TLE4: variants seen among roughly 807,000 people sequenced by gnomAD.
The protein encoded by TLE4 is TLE family member 4, transcriptional corepressor.
A neutral mutation model predicts 92.8 loss-of-function variants in TLE4; 8 were observed. That is an observed-to-expected ratio of 0.09 (90% confidence interval 0.05 to 0.16). The LOEUF (loss-of-function observed/expected upper bound fraction) is 0.16. Ranked by LOEUF, TLE4 falls within the 10% of genes least tolerant of loss-of-function variation. TLE4 has a pLI of 1.00. For missense variants in TLE4, 675 were observed against 997.6 expected (o/e 0.68, Z 4.36); for synonymous variants, 371 against 374.1 (o/e 0.99, Z 0.10).
At chr9:79,680,444 T>TCACCAATGTGC (rs2064270828) in intron 8 of TLE4, among the ~76,000 whole-genome samples, 1 of 152,170 alleles carries the variant, frequency 6.6e-6, no homozygotes, top group Non-Finnish European at 1.5e-5. Flanking sequence ...TATTGGTGTA[T>TCACCAATGTGC]AAGAATGCTT....
intron 1 of TLE4, chr9:79,573,197 T>C: frequency 1.0e-6 from 1 of 983,506 alleles, no homozygotes; most frequent in African/African-American, 1.7e-5. Flanking sequence ...GCGGCGCTGC[T>C]GGGCTGGCTG....
At chr9:79,590,992 C>G (rs956705334) in intron 4 of TLE4, among the ~76,000 whole-genome samples, 1 of 152,252 alleles carries the variant, frequency 6.6e-6, no homozygotes, top group Admixed American at 6.5e-5. Flanking sequence ...GCCAGTAGTC[C>G]TGGTCACCTC....
chr9:79,713,157 G>A (rs867855111), intron 14 of TLE4, among the ~76,000 whole-genome samples: 23 of 152,244 alleles, frequency 1.5e-4, no homozygotes, highest in African/African-American at 5.3e-4. Context: ...GAAATGTGGA[G>A]AAGGTACTGT....
rs61394180 is a variant in TLE4 at position 79,649,271 on chromosome 9, T to TAC, written c.391-3292_391-3291dup. Among the ~76,000 whole-genome samples, 728 of 147,348 alleles carry TAC rather than the reference T, an allele frequency of 4.9e-3. 2 individuals are homozygous for TAC. Among genetic ancestry groups the TAC allele is most frequent in the South Asian group, 0.016 (71 of 4,560 alleles). ...GAAGACAGGGACGGACATACATACATACACACACACACACACACACACACA... is the reference window on the plus strand; with the variant it reads ...GAAGACAGGGACGGACATACATACATACACACACACACACACACACACACACA... On this transcript the variant is annotated intron_variant, in intron 6 of 19. Coordinates refer to ENST00000376552, the MANE Select transcript of TLE4 (RefSeq NM_007005.6).
chr9:79,717,579 A>C (rs1588604887), intron 14 of TLE4, among the ~76,000 whole-genome samples: 1 of 152,312 alleles, frequency 6.6e-6, no homozygotes, highest in African/African-American at 2.4e-5. Flanking sequence ...CAGGTAGTTG[A>C]GGACCATTCA....
At chr9:79,713,437 C>T (rs1034475020) in intron 14 of TLE4, among the ~76,000 whole-genome samples, 9 of 152,208 alleles carry the variant, frequency 5.9e-5, no homozygotes, top group Admixed American at 5.9e-4. Flanking sequence ...AGCCACTCTG[C>T]TCGTAGCAGC....
rs931045645 is a variant in TLE4 at position 79,725,902 on chromosome 9, T to C, written c.*758T>C. On this transcript the variant is annotated 3_prime_UTR_variant, in exon 20 of 20. Transcript: ENST00000376552. ...TTAGTTCCCTTTTTTTGTTGTATTA[T>C]AGGCAGATGAACAAATTAAATTTGG... 2.6e-5 allele frequency: 4 copies of C among 152,700 alleles called. No homozygotes were observed. Among genetic ancestry groups the C allele is most frequent in the African/African-American group, 4.8e-5 (2 of 41,476 alleles). 9.5% of individuals were successfully genotyped at this position (152,700 alleles called of 1,614,324 possible). A position where few individuals can be genotyped will look rare whatever the true frequency, so the allele number is the denominator to read the frequency against.
chr9:79,625,014 CTTTTTTTTTTTT>C (rs34968887), intron 5 of TLE4, among the ~76,000 whole-genome samples: 1 of 79,948 alleles, frequency 1.3e-5, no homozygotes, highest in East Asian at 4.1e-4. Context: ...TATTTCTTTT[CTTTTTTTTTTTT>C]TTTTTTTTTT....
chr9:79,709,110 A>G (rs2072549993), intron 13 of TLE4, among the ~76,000 whole-genome samples: 1 of 152,174 alleles, frequency 6.6e-6, no homozygotes, highest in Admixed American at 6.5e-5. Flanking sequence ...TAGGATTACA[A>G]GCATGAGTCA....
rs566747321 is a variant in TLE4, at chr9:79,726,592, T to C, written c.*1448T>C. 6.5e-6 allele frequency: 1 copy of C among 152,768 alleles called. No homozygotes were observed. Among genetic ancestry groups the C allele is most frequent in the South Asian group, 2.1e-4 (1 of 4,828 alleles). 9.5% of individuals were successfully genotyped at this position (152,768 alleles called of 1,614,324 possible). A position where few individuals can be genotyped will look rare whatever the true frequency, so the allele number is the denominator to read the frequency against. On this transcript the variant is annotated 3_prime_UTR_variant, in exon 20 of 20. Transcript: ENST00000376552. Reference sequence around the variant, plus strand: ...GCTTAGTGTTTGATGTCATTAACAGTTTCGTAAAACTCTACAGTGTAGAAA... The same window carrying C: ...GCTTAGTGTTTGATGTCATTAACAGCTTCGTAAAACTCTACAGTGTAGAAA...
At chr9:79,640,209 A>C (rs1272229401) in intron 6 of TLE4, among the ~76,000 whole-genome samples, 1 of 152,138 alleles carries the variant, frequency 6.6e-6, no homozygotes, top group African/African-American at 2.4e-5. Flanking sequence ...ATGGCATACC[A>C]TGTAGCTGTT....
intron 6 of TLE4, among the ~76,000 whole-genome samples, chr9:79,635,356 T>C (rs894458466): frequency 6.6e-6 from 1 of 152,090 alleles, no homozygotes; most frequent in Non-Finnish European, 1.5e-5. Flanking sequence ...GATTTTTTTG[T>C]GTATTTTGTA....
chr9:79,643,945 A>G (rs1056077650), intron 6 of TLE4, among the ~76,000 whole-genome samples: 5 of 152,300 alleles, frequency 3.3e-5, no homozygotes, highest in African/African-American at 1.2e-4. Flanking sequence ...CTCTGTGCAT[A>G]TGAAAATGTG....
intron 8 of TLE4, among the ~76,000 whole-genome samples, chr9:79,677,151 T>C (rs1179882833): frequency 6.6e-6 from 1 of 152,146 alleles, no homozygotes; most frequent in African/African-American, 2.4e-5. Context: ...ATCTATCTTA[T>C]TGGGTTATTA....
intron 8 of TLE4, among the ~76,000 whole-genome samples, chr9:79,676,471 C>T (rs2063276316): frequency 6.6e-6 from 1 of 152,074 alleles, no homozygotes; most frequent in Admixed American, 6.6e-5. Flanking sequence ...TCTGTGACTG[C>T]CACCCAACTA....
intron 14 of TLE4, among the ~76,000 whole-genome samples, chr9:79,712,852 G>A (rs1458983215): frequency 6.6e-6 from 1 of 152,194 alleles, no homozygotes; most frequent in African/African-American, 2.4e-5. Flanking sequence ...GGTACTAATT[G>A]TATGAGATGT....
intron 6 of TLE4, among the ~76,000 whole-genome samples, chr9:79,648,288 A>C (rs1173368200): frequency 1.3e-5 from 2 of 152,182 alleles, no homozygotes; most frequent in Non-Finnish European, 2.9e-5. Context: ...AGGGGTACTA[A>C]GAGGCCTGAG....
At chr9:79,719,534 C>A (rs986549536) in intron 15 of TLE4, among the ~76,000 whole-genome samples, 1 of 152,040 alleles carries the variant, frequency 6.6e-6, no homozygotes, top group African/African-American at 2.4e-5. Flanking sequence ...CAAGTCTTGC[C>A]TCTGGTGCAG....
chr9:79,636,459 G>A (rs2055861553), intron 6 of TLE4, among the ~76,000 whole-genome samples: 1 of 151,960 alleles, frequency 6.6e-6, no homozygotes. Context: ...TCTTCATTCA[G>A]CTGTCCTTAA....
Sources: allele counts gnomAD v4.1 joint callset (sites outside exome capture counted in the v4.1 genomes callset), GRCh38; gene constraint gnomAD v4.1.1; transcripts MANE v1.5; gene names NCBI Gene and HGNC (gene_info 2026-07-23, HGNC 2026-07-21).